Variants in EPC1 observed in about 807,000 individuals in gnomAD.
EPC1 encodes enhancer of polycomb 1, also known as enhancer of polycomb homolog 1.
A neutral mutation model predicts 98.4 loss-of-function variants in EPC1; 12 were observed. The observed-to-expected ratio is 0.12, with a 90% CI of 0.08 to 0.20. EPC1 has a LOEUF of 0.20. Ranked by LOEUF, EPC1 falls within the 10% of genes least tolerant of loss-of-function variation. The pLI is 1.00. For synonymous variants in EPC1, 357 were observed against 363.9 expected, an observed-to-expected ratio of 0.98 and a Z score of 0.21; for missense variants, 729 against 990.5, an observed-to-expected ratio of 0.74 and a Z score of 3.54.
chr10:32,338,240 C>T (rs58919618), intron 1 of EPC1, among the ~76,000 whole-genome samples: 3,039 of 152,276 alleles, frequency 0.02, 109 homozygotes, highest in African/African-American at 0.069. Context: ...GGTTCATCCT[C>T]GGATTCTCTC....
At chr10:32,355,696 C>T (rs980737145) in intron 1 of EPC1, among the ~76,000 whole-genome samples, 7 of 138,888 alleles carry the variant, frequency 5.0e-5, no homozygotes, top group African/African-American at 1.0e-4. Flanking sequence ...CTGCAACCTC[C>T]GCCTCCTGAG....
intron 1 of EPC1, among the ~76,000 whole-genome samples, chr10:32,364,208 GT>G (rs1839531723): frequency 6.7e-6 from 1 of 149,972 alleles, no homozygotes. Flanking sequence ...GAGACTTTTA[GT>G]AGATTTTGTA....
At chr10:32,349,775 T>A (rs544988089), upstream of EPC1, among the ~76,000 whole-genome samples, 1 of 152,174 alleles carries the variant, frequency 6.6e-6, no homozygotes, top group East Asian at 1.9e-4. Context: ...AATTTCTAAA[T>A]TTTTTCTAAA....
chr10:32,343,839 A>T (rs1318348252), intron 1 of EPC1, among the ~76,000 whole-genome samples: 1 of 152,162 alleles, frequency 6.6e-6, no homozygotes, highest in African/African-American at 2.4e-5. Flanking sequence ...AAAGACCTGG[A>T]TTTCTGTCAA....
chr10:32,365,601 T>C (rs377538366), intron 1 of EPC1, among the ~76,000 whole-genome samples: 25 of 151,800 alleles, frequency 1.6e-4, no homozygotes, highest in African/African-American at 6.0e-4. Flanking sequence ...TCATTTGAGG[T>C]CAGGAGTTCC....
At chr10:32,356,703 C>T (rs933969012) in intron 1 of EPC1, among the ~76,000 whole-genome samples, 2 of 152,046 alleles carry the variant, frequency 1.3e-5, no homozygotes, top group African/African-American at 2.4e-5. Context: ...AAACATTTAC[C>T]GCCAGGCGCG....
intron 13 of EPC1, among the ~76,000 whole-genome samples, chr10:32,270,653 C>T (rs1248706181): frequency 2.6e-5 from 4 of 151,736 alleles, no homozygotes; most frequent in African/African-American, 7.3e-5. Context: ...GGTGAAACCC[C>T]GTCCCTGCTA....
upstream of EPC1, chr10:32,347,211 G>A: frequency 8.1e-7 from 1 of 1,229,594 alleles, no homozygotes; most frequent in Non-Finnish European, 1.0e-6. Context: ...GCAGCGGCGC[G>A]GGCACGCGGG....
At chr10:32,340,491 A>C (rs1379116458) in intron 1 of EPC1, among the ~76,000 whole-genome samples, 2 of 152,188 alleles carry the variant, frequency 1.3e-5, no homozygotes, top group Non-Finnish European at 2.9e-5. Flanking sequence ...GATTTTCTAC[A>C]GTTTATAAAT....
At chr10:32,374,665 A>T (rs895114321) in intron 1 of EPC1, among the ~76,000 whole-genome samples, 12 of 152,294 alleles carry the variant, frequency 7.9e-5, no homozygotes, top group African/African-American at 2.6e-4. Context: ...AAATTAAAAA[A>T]ATATTTTTTT....
chr10:32,369,500 G>A (rs747914120), intron 1 of EPC1, among the ~76,000 whole-genome samples: 7 of 152,024 alleles, frequency 4.6e-5, no homozygotes, highest in South Asian at 2.1e-4. Flanking sequence ...ACCACTGTTC[G>A]TCAAAAAATT....
intron 1 of EPC1, among the ~76,000 whole-genome samples, chr10:32,369,544 C>G (rs1221968412): frequency 2.0e-5 from 3 of 152,156 alleles, no homozygotes; most frequent in African/African-American, 7.2e-5. Flanking sequence ...AAAAAATTTA[C>G]TTGGGAAGAC....
intron 1 of EPC1, among the ~76,000 whole-genome samples, chr10:32,370,845 C>T (rs970374160): frequency 6.6e-6 from 1 of 152,134 alleles, no homozygotes; most frequent in Non-Finnish European, 1.5e-5. Flanking sequence ...TTGGACAGCA[C>T]AGTTCTGGAG....
At chr10:32,376,022 TA>T (rs1839864926) in intron 1 of EPC1, among the ~76,000 whole-genome samples, 1 of 152,032 alleles carries the variant, frequency 6.6e-6, no homozygotes, top group Non-Finnish European at 1.5e-5. Context: ...AGGTGGATTT[TA>T]AAATGGAGAA....
intron 2 of EPC1, among the ~76,000 whole-genome samples, chr10:32,296,418 T>A (rs1035288150): frequency 6.6e-6 from 1 of 152,174 alleles, no homozygotes; most frequent in African/African-American, 2.4e-5. Context: ...TTGCCATAGC[T>A]TCTGGTAGAT....
chr10:32,357,017 A>C (rs1592635303), intron 1 of EPC1, among the ~76,000 whole-genome samples: 2 of 152,148 alleles, frequency 1.3e-5, no homozygotes, highest in South Asian at 4.1e-4. Flanking sequence ...CAAAGCCCCC[A>C]AAAAAGTGAT....
chr10:32,299,149 C>G (rs1038403691), intron 2 of EPC1, among the ~76,000 whole-genome samples: 1 of 152,008 alleles, frequency 6.6e-6, no homozygotes, highest in African/African-American at 2.4e-5. Context: ...ATTTTCGAAG[C>G]CATAGGAGGG....
At chr10:32,337,020 T>C (rs1218892015) in intron 1 of EPC1, among the ~76,000 whole-genome samples, 1 of 152,266 alleles carries the variant, frequency 6.6e-6, no homozygotes, top group Non-Finnish European at 1.5e-5. Flanking sequence ...CCAGCTTCTT[T>C]AAATGCCTGA....
Position 32,352,744 on chromosome 10 carries a change from T to G in EPC1, c.3+25747A>C, listed in dbSNP as rs7081237. On this transcript the variant is annotated intron_variant, in intron 1 of 13. Coordinates refer to the EPC1 transcript ENST00000375110. ...ATGTACTAGGTGATGCAGAAATACTTTAAATGCATTATCTCAATTTTCGTG... is the reference window on the plus strand; with the variant it reads ...ATGTACTAGGTGATGCAGAAATACTGTAAATGCATTATCTCAATTTTCGTG... Among the ~76,000 whole-genome samples, 593 of 152,296 alleles carry G rather than the reference T, an allele frequency of 3.9e-3. 2 individuals carry two copies. The highest frequency in any genetic ancestry group is 0.014 in the African/African-American group (564 of 41,558).
Sources: allele counts gnomAD v4.1 joint callset (sites outside exome capture counted in the v4.1 genomes callset), GRCh38; gene constraint gnomAD v4.1.1; transcripts MANE v1.5; gene names NCBI Gene and HGNC (gene_info 2026-07-23, HGNC 2026-07-21).